GABRA4: variants seen among roughly 807,000 people sequenced by gnomAD.
GABRA4 encodes gamma-aminobutyric acid type A receptor subunit alpha4.
In GABRA4, 12 loss-of-function variants were observed where a neutral mutation model predicts 49.7. That is an observed-to-expected ratio of 0.24 (90% CI 0.15 to 0.39). GABRA4 has a LOEUF of 0.39. GABRA4 is among the 10% of genes least tolerant of loss of function. The pLI is 1.00. For missense variants in GABRA4, 506 were observed against 686.0 expected, an observed-to-expected ratio of 0.74 and a Z score of 2.93; for synonymous variants, 288 against 240.2, an observed-to-expected ratio of 1.20 and a Z score of -1.84.
At chr4:46,964,912 A>G (rs1261358041) in intron 8 of GABRA4, 58 bp downstream of exon 8, 2 of 1,488,956 alleles carry the variant, frequency 1.3e-6, no homozygotes, top group African/African-American at 2.8e-5. Flanking sequence ...TTTCCCTGAC[A>G]AAATAAATTT....
chr4:46,991,867 G>T (rs1723758057), intron 2 of GABRA4, among the ~76,000 whole-genome samples: 1 of 152,146 alleles, frequency 6.6e-6, no homozygotes, highest in Admixed American at 6.5e-5. Context: ...TGTTATTATT[G>T]TTACCACTTG....
At chr4:46,950,315 C>T (rs1271256700) in intron 8 of GABRA4, among the ~76,000 whole-genome samples, 2 of 152,042 alleles carry the variant, frequency 1.3e-5, no homozygotes, top group Non-Finnish European at 2.9e-5. Context: ...ACACAAAGTA[C>T]GGCTCCAAGG....
At position 46,928,345 on chromosome 4, in the gene GABRA4, T is replaced by C. The variant is rs571811757; in HGVS notation, c.1545A>G (p.Thr515=). 6.2e-7 allele frequency: 1 copy of C among 1,613,624 alleles called. No individual in the cohort carries two copies. The highest frequency in any genetic ancestry group is 2.2e-5 in the East Asian group (1 of 44,862). The change falls in exon 9 of 9, where the codon ACA becomes ACG. Residue 515 remains threonine, a synonymous_variant. Transcript: ENST00000264318. The stretch of plus-strand genomic sequence containing the variant: ...TACGGGCATATTTGTCTATTTTACT[T>C]GTGCCAGATCCAGAAGGTGGTGGAG... The part of the protein sequence containing the change: ...PSAPPPSGSG[T]SKIDKYARIL...
At chr4:46,951,885 T>C (rs1268128942) in intron 8 of GABRA4, among the ~76,000 whole-genome samples, 1 of 151,890 alleles carries the variant, frequency 6.6e-6, no homozygotes, top group African/African-American at 2.4e-5. Context: ...GAAAAACTTT[T>C]CAGGGAGGCA....
At chr4:46,970,966 A>G in intron 7 of GABRA4, 117 bp downstream of exon 7, 1 of 921,840 alleles carries the variant, frequency 1.1e-6, no homozygotes, top group East Asian at 2.7e-5. Context: ...AAGCCATGTG[A>G]TTCCTTATTC....
rs1334180862 is a variant in GABRA4 at position 46,924,181 on chromosome 4, T to G, written c.*4044A>C. ...AGATCAGTGCTATGCTGAGCAATTTTGGAGCCTGAGGCAGAAGAAAATATT... is the reference window on the plus strand; with the variant it reads ...AGATCAGTGCTATGCTGAGCAATTTGGGAGCCTGAGGCAGAAGAAAATATT... On this transcript the variant is annotated 3_prime_UTR_variant, in exon 9 of 9. Coordinates refer to ENST00000264318, the MANE Select transcript of GABRA4 (RefSeq NM_000809.4). 1 of 152,160 alleles carries G rather than the reference T, an allele frequency of 6.6e-6. No homozygotes were observed. The highest frequency in any genetic ancestry group is 1.5e-5 in the Non-Finnish European group (1 of 67,994). 9.4% of individuals were successfully genotyped at this position (152,160 alleles called of 1,614,324 possible).
chr4:46,980,036 G>A (rs978553779), intron 2 of GABRA4, among the ~76,000 whole-genome samples: 3 of 151,628 alleles, frequency 2.0e-5, no homozygotes, highest in Admixed American at 6.6e-5. Flanking sequence ...TTCAAATTTG[G>A]TTCTAACATC....
intron 8 of GABRA4, among the ~76,000 whole-genome samples, chr4:46,956,881 T>C (rs945092990): frequency 6.6e-6 from 1 of 152,064 alleles, no homozygotes. Flanking sequence ...TGCTATGTGC[T>C]GTATGGGAAA....
In GABRA4 at chr4:46,925,369, C is replaced by T. The variant is rs554489490; in HGVS notation, c.*2856G>A. 2.0e-5 allele frequency: 3 copies of T among 151,874 alleles called. No homozygotes were observed. The South Asian group carries it at 6.2e-4, about 31-fold the overall frequency. 9.4% of individuals were successfully genotyped at this position (151,874 alleles called of 1,614,324 possible). A position where few individuals can be genotyped will look rare whatever the true frequency, so the allele number is the denominator to read the frequency against. On this transcript the variant is annotated 3_prime_UTR_variant, in exon 9 of 9. Transcript: ENST00000264318. ...TTAATCATGTAAATATATGTTTATACCTAGTCATGCCTGGAGGAAATTGAA... is the reference window on the plus strand; with the variant it reads ...TTAATCATGTAAATATATGTTTATATCTAGTCATGCCTGGAGGAAATTGAA...
At chr4:46,936,288 T>C (rs1295356460) in intron 8 of GABRA4, among the ~76,000 whole-genome samples, 1 of 152,162 alleles carries the variant, frequency 6.6e-6, no homozygotes, top group Non-Finnish European at 1.5e-5. Flanking sequence ...TCGCTCTTGT[T>C]GCCCAGGCTG....
rs1347253601 is a variant in GABRA4 at position 46,926,617 on chromosome 4, G to A, written c.*1608C>T. ...AGAGAGAGATTTTGTCTGCAAGGTGGTCATTTCTATCAATATGTTCCCTAA... is the reference window on the plus strand; with the variant it reads ...AGAGAGAGATTTTGTCTGCAAGGTGATCATTTCTATCAATATGTTCCCTAA... On this transcript the variant is annotated 3_prime_UTR_variant, in exon 9 of 9. Transcript: ENST00000264318. 2 of 151,738 alleles carry A rather than the reference G, an allele frequency of 1.3e-5. No individual in the cohort carries two copies. Among genetic ancestry groups the A allele is most frequent in the Non-Finnish European group, 2.9e-5 (2 of 67,860 alleles). 9.4% of individuals were successfully genotyped at this position (151,738 alleles called of 1,614,324 possible). A position where few individuals can be genotyped will look rare whatever the true frequency, so the allele number is the denominator to read the frequency against.
At chr4:46,974,427 A>G (rs1214185962) in intron 5 of GABRA4, 52 bp from the exon 6 acceptor site, 2 of 1,529,876 alleles carry the variant, frequency 1.3e-6, no homozygotes, top group South Asian at 1.3e-5. Context: ...TTTCATCCAC[A>G]TCAGTGGTCA....
intron 2 of GABRA4, among the ~76,000 whole-genome samples, chr4:46,991,297 C>T (rs1723735599): frequency 6.6e-6 from 1 of 152,200 alleles, no homozygotes; most frequent in Non-Finnish European, 1.5e-5. Context: ...GACCTGATCT[C>T]ATCCTATCAT....
At chr4:46,990,440 C>G (rs1482840455) in intron 2 of GABRA4, among the ~76,000 whole-genome samples, 2 of 152,158 alleles carry the variant, frequency 1.3e-5, no homozygotes, top group Non-Finnish European at 2.9e-5. Context: ...TCCCTTCTTC[C>G]TTTTGAATTA....
At chr4:46,966,265 G>A (rs1457359879) in intron 7 of GABRA4, among the ~76,000 whole-genome samples, 1 of 151,642 alleles carries the variant, frequency 6.6e-6, no homozygotes, top group Non-Finnish European at 1.5e-5. Flanking sequence ...TCCTGAAGTT[G>A]ACACACAACA....
intron 8 of GABRA4, among the ~76,000 whole-genome samples, chr4:46,949,123 T>C (rs1560468434): frequency 6.6e-6 from 1 of 152,142 alleles, no homozygotes; most frequent in South Asian, 2.1e-4. Context: ...GCTTAGAAAC[T>C]TCATAGTGCT....
chr4:46,947,576 A>G (rs1160091), intron 8 of GABRA4, among the ~76,000 whole-genome samples: 36,566 of 151,820 alleles, frequency 0.24, 4,572 homozygotes, highest in East Asian at 0.29. Flanking sequence ...AAAGGCGCAA[A>G]AAAGGAAGGA....
chr4:46,939,159 A>T (rs1321262308), intron 8 of GABRA4, among the ~76,000 whole-genome samples: 1 of 152,008 alleles, frequency 6.6e-6, no homozygotes, highest in East Asian at 1.9e-4. Flanking sequence ...CAGTGGTATA[A>T]GGATAAGGCA....
rs998479902 is a variant in GABRA4, at chr4:46,942,943, G to A, written c.1135-14188C>T. ...CCCCAATTTTTTCTAACATCTAGAC[G>A]CATATAGCCAGCAAGACATCATTTA... On this transcript the variant is annotated intron_variant, in intron 8 of 8. Coordinates refer to ENST00000264318, the MANE Select transcript of GABRA4 (RefSeq NM_000809.4). 1.4e-4 allele frequency among the ~76,000 whole-genome samples: 21 copies of A among 151,992 alleles called. 1 individual carries two copies. Among genetic ancestry groups the A allele is most frequent in the African/African-American group, 4.3e-4 (18 of 41,384 alleles).
Sources: gnomAD v4.1 joint callset for allele counts (sites outside exome capture counted in the v4.1 genomes callset) on GRCh38, gnomAD v4.1.1 for gene constraint, MANE v1.5 for transcripts, NCBI Gene and HGNC (gene_info 2026-07-23, HGNC 2026-07-21) for gene names.